ABTB3: variants seen among roughly 807,000 people sequenced by gnomAD.
ABTB3 encodes the protein ankyrin repeat- and BTB/POZ domain-containing protein 3.
the ABTB3 span, among the ~76,000 whole-genome samples, chr12:107,361,161 T>C: frequency 6.6e-6 from 1 of 152,116 alleles, no homozygotes; most frequent in Non-Finnish European, 1.5e-5. Flanking sequence ...CAGAGAAAAT[T>C]AGAGCATTCA....
the ABTB3 span, among the ~76,000 whole-genome samples, chr12:107,615,874 C>G: frequency 6.6e-6 from 1 of 152,188 alleles, no homozygotes; most frequent in Non-Finnish European, 1.5e-5. Context: ...AAGTTCATGA[C>G]TGCACCTGGT....
At chr12:107,383,101 G>A in the ABTB3 span, among the ~76,000 whole-genome samples, 1 of 152,124 alleles carries the variant, frequency 6.6e-6, no homozygotes, top group African/African-American at 2.4e-5. Context: ...GGCCCACTCT[G>A]AGGATCATTC....
the ABTB3 span, among the ~76,000 whole-genome samples, chr12:107,411,954 T>A: frequency 4.6e-5 from 7 of 152,164 alleles, no homozygotes; most frequent in Non-Finnish European, 1.0e-4. Flanking sequence ...ACCAGAGCCA[T>A]AGAACAGTGA....
At chr12:107,642,174 G>T in the ABTB3 span, 1 of 1,613,706 alleles carries the variant, frequency 6.2e-7, no homozygotes, top group Non-Finnish European at 8.5e-7. Context: ...TCTTTCAGGT[G>T]AGCCCCTGGT....
the ABTB3 span, among the ~76,000 whole-genome samples, chr12:107,623,149 C>G: frequency 6.6e-6 from 1 of 151,474 alleles, no homozygotes; most frequent in Non-Finnish European, 1.5e-5. Context: ...CAACCTCTGC[C>G]TCCCAGGTTC....
At chr12:107,487,793 A>G in the ABTB3 span, among the ~76,000 whole-genome samples, 1 of 152,198 alleles carries the variant, frequency 6.6e-6, no homozygotes, top group African/African-American at 2.4e-5. Context: ...ATGCGTTAGA[A>G]AGGAAGGACA....
the ABTB3 span, chr12:107,520,571 A>T: frequency 1.9e-6 from 3 of 1,614,238 alleles, no homozygotes; most frequent in Non-Finnish European, 2.5e-6. Flanking sequence ...ATGTTCAGCC[A>T]GTCGGAGCTG....
At chr12:107,582,240 T>A in the ABTB3 span, among the ~76,000 whole-genome samples, 1 of 152,214 alleles carries the variant, frequency 6.6e-6, no homozygotes, top group Non-Finnish European at 1.5e-5. Flanking sequence ...ATTGGATGTT[T>A]ACCACATGCC....
At chr12:107,590,728 A>G in the ABTB3 span, among the ~76,000 whole-genome samples, 4 of 152,306 alleles carry the variant, frequency 2.6e-5, no homozygotes, top group Admixed American at 6.5e-5. Flanking sequence ...TACATCTTAA[A>G]TAGCATTTGA....
At chr12:107,397,889 G>GC in the ABTB3 span, among the ~76,000 whole-genome samples, 2 of 152,082 alleles carry the variant, frequency 1.3e-5, no homozygotes, top group Non-Finnish European at 1.5e-5. Flanking sequence ...TCTTGTAACG[G>GC]CACCTCCGTT....
At chr12:107,510,572 G>A in the ABTB3 span, among the ~76,000 whole-genome samples, 4 of 152,048 alleles carry the variant, frequency 2.6e-5, no homozygotes, top group African/African-American at 9.7e-5. Flanking sequence ...CAGAGTGAGG[G>A]GATGGGAGAG....
chr12:107,516,769 A>C, the ABTB3 span, among the ~76,000 whole-genome samples: 8 of 152,220 alleles, frequency 5.3e-5, no homozygotes, highest in South Asian at 1.7e-3. Flanking sequence ...TGGTTCAGGC[A>C]GGGTGAGGAG....
At chr12:107,644,972 C>CTTTT in the ABTB3 span, among the ~76,000 whole-genome samples, 381 of 127,174 alleles carry the variant, frequency 3.0e-3, 4 homozygotes, top group African/African-American at 0.011. Flanking sequence ...TCAAAATTCA[C>CTTTT]TTTTTTTTTT....
At chr12:107,596,873 G>A in the ABTB3 span, among the ~76,000 whole-genome samples, 12 of 152,060 alleles carry the variant, frequency 7.9e-5, no homozygotes, top group Admixed American at 2.0e-4. Flanking sequence ...TTTGAGAATC[G>A]CTGGGTTGCT....
chr12:107,441,605 C>G, the ABTB3 span, among the ~76,000 whole-genome samples: 2 of 151,836 alleles, frequency 1.3e-5, no homozygotes, highest in Non-Finnish European at 2.9e-5. Flanking sequence ...GCATATGTAC[C>G]CCAGAACTTA....
At chr12:107,406,427 C>T in the ABTB3 span, among the ~76,000 whole-genome samples, 1 of 152,212 alleles carries the variant, frequency 6.6e-6, no homozygotes, top group Non-Finnish European at 1.5e-5. Context: ...GAAACCCTGT[C>T]TCTCTTAAAA....
the ABTB3 span, among the ~76,000 whole-genome samples, chr12:107,471,675 C>T: frequency 6.6e-6 from 1 of 152,252 alleles, no homozygotes; most frequent in Non-Finnish European, 1.5e-5. Flanking sequence ...TGGCAAGAGA[C>T]ACAGAAGCAG....
chr12:107,359,427 G>A, the ABTB3 span, among the ~76,000 whole-genome samples: 1 of 152,198 alleles, frequency 6.6e-6, no homozygotes, highest in Non-Finnish European at 1.5e-5. Flanking sequence ...CAGGGCTCTG[G>A]GTACTCCAAG....
At chr12:107,655,675 G>A in the ABTB3 span, among the ~76,000 whole-genome samples, 1,542 of 151,304 alleles carry the variant, frequency 0.01, 24 homozygotes, top group Middle Eastern at 0.024. Context: ...ACATCTAACC[G>A]TTTGAGACAG....
Sources: gnomAD v4.1 joint callset for allele counts (sites outside exome capture counted in the v4.1 genomes callset) on GRCh38, gnomAD v4.1.1 for gene constraint, MANE v1.5 for transcripts, NCBI Gene and HGNC (gene_info 2026-07-23, HGNC 2026-07-21) for gene names.